TSHZ2: variants seen among roughly 807,000 people sequenced by gnomAD.
TSHZ2 encodes the protein teashirt zinc finger homeobox 2.
TSHZ2 carries 21 observed loss-of-function variants against 74.4 expected under a neutral mutation model. The observed-to-expected ratio is 0.28, with a 90% CI of 0.20 to 0.41. The LOEUF (loss-of-function observed/expected upper bound fraction) is 0.41. Ranked by LOEUF, TSHZ2 falls within the 10% of genes least tolerant of loss-of-function variation. The probability of loss-of-function intolerance (pLI) is 1.00; values close to 1 mark genes in which losing one functional copy is unlikely to be tolerated. For missense variants in TSHZ2, 1,244 were observed against 1,293.5 expected, an observed-to-expected ratio of 0.96 and a Z score of 0.59; for synonymous variants, 540 against 515.3, an observed-to-expected ratio of 1.05 and a Z score of -0.65.
Position 53,435,904 on chromosome 20 carries a change from C to G in TSHZ2, c.*9-51240C>G, listed in dbSNP as rs1392048434. Among the ~76,000 whole-genome samples the G allele has an allele frequency of 2.0e-5, 3 of 152,212 alleles. No individual in the cohort carries two copies. The East Asian group carries it at 5.8e-4, about 29-fold the overall frequency. The stretch of plus-strand genomic sequence containing the variant: ...GTGTGACTTTTAGTAAGTTATTTAT[C>G]ACCCTGTGTCTCAGTTTCCTCGTGT... On this transcript the variant is annotated intron_variant, in intron 2 of 2. Coordinates refer to ENST00000371497, the MANE Select transcript of TSHZ2 (RefSeq NM_173485.6).
intron 2 of TSHZ2, among the ~76,000 whole-genome samples, chr20:53,268,401 A>G (rs964863810): frequency 5.3e-5 from 8 of 152,188 alleles, no homozygotes; most frequent in African/African-American, 1.9e-4. Context: ...AAATCCAGAC[A>G]TGGGCCGAGA....
intron 2 of TSHZ2, among the ~76,000 whole-genome samples, chr20:53,468,367 T>C (rs897582544): frequency 1.3e-5 from 2 of 152,216 alleles, no homozygotes; most frequent in Non-Finnish European, 2.9e-5. Flanking sequence ...GTGTGCTTTA[T>C]GGAAAAGATT....
chr20:53,253,020 G>A (rs1990364189), intron 1 of TSHZ2, among the ~76,000 whole-genome samples: 1 of 152,066 alleles, frequency 6.6e-6, no homozygotes, highest in Non-Finnish European at 1.5e-5. Flanking sequence ...ACTCAAAAAT[G>A]ATTTATTTAT....
chr20:53,307,198 T>G (rs1010723316), intron 2 of TSHZ2, among the ~76,000 whole-genome samples: 1 of 151,996 alleles, frequency 6.6e-6, no homozygotes, highest in African/African-American at 2.4e-5. Flanking sequence ...TACCTGCTCC[T>G]CCCAGGCTGC....
At chr20:53,459,503 C>T in intron 2 of TSHZ2, among the ~76,000 whole-genome samples, 1 of 146,414 alleles carries the variant, frequency 6.8e-6, no homozygotes, top group African/African-American at 2.6e-5. Flanking sequence ...GGTCTTGACT[C>T]TTTATCCAAT....
chr20:53,290,918 G>A (rs1209792638), intron 2 of TSHZ2, among the ~76,000 whole-genome samples: 2 of 152,184 alleles, frequency 1.3e-5, no homozygotes, highest in African/African-American at 2.4e-5. Context: ...GTCTATGGCT[G>A]CTTTTGTGCT....
chr20:53,271,372 A>C (rs1049945832), intron 2 of TSHZ2, among the ~76,000 whole-genome samples: 1 of 152,240 alleles, frequency 6.6e-6, no homozygotes. Context: ...AAAATTAAAT[A>C]CAACCCACTA....
Position 53,074,382 on chromosome 20 carries a change from G to A in TSHZ2, c.40+101049G>A, listed in dbSNP as rs1985302624. Among the ~76,000 whole-genome samples, 1 of 152,188 alleles carries A rather than the reference G, an allele frequency of 6.6e-6. No individual in the cohort carries two copies. On this transcript the variant is annotated intron_variant, in intron 1 of 2. Coordinates refer to ENST00000371497, the MANE Select transcript of TSHZ2 (RefSeq NM_173485.6). This position sits in a 1 kb window ranked among gnomAD's most constrained non-coding sequence, Gnocchi z 5.9. Reference sequence around the variant, plus strand: ...AGGACCAGGATTCATGGGTCTTTGTGTTCTTACAGTGCCTCAATTGCTCAC... The same window carrying A: ...AGGACCAGGATTCATGGGTCTTTGTATTCTTACAGTGCCTCAATTGCTCAC...
intron 2 of TSHZ2, among the ~76,000 whole-genome samples, chr20:53,335,060 G>A (rs989230913): frequency 6.6e-6 from 1 of 152,182 alleles, no homozygotes; most frequent in Admixed American, 6.5e-5. Context: ...GGCCAGTTAG[G>A]AGGCTGTTGC....
At chr20:53,202,371 A>C (rs1398731585) in intron 1 of TSHZ2, among the ~76,000 whole-genome samples, 1 of 152,216 alleles carries the variant, frequency 6.6e-6, no homozygotes, top group Non-Finnish European at 1.5e-5. Flanking sequence ...ATCGTCGCAC[A>C]GAAAGAATTA....
At chr20:53,211,786 A>G (rs943149355) in intron 1 of TSHZ2, among the ~76,000 whole-genome samples, 1 of 152,168 alleles carries the variant, frequency 6.6e-6, no homozygotes, top group Non-Finnish European at 1.5e-5. Flanking sequence ...GTACCTGTGC[A>G]GGTTTGTTGC....
At chr20:53,252,133 T>C (rs935090644) in intron 1 of TSHZ2, among the ~76,000 whole-genome samples, 2 of 152,242 alleles carry the variant, frequency 1.3e-5, no homozygotes, top group Non-Finnish European at 2.9e-5. Context: ...ATAAATATTC[T>C]TTATCTTCAG....
At chr20:52,994,653 G>A (rs185158294) in intron 1 of TSHZ2, among the ~76,000 whole-genome samples, 4 of 152,230 alleles carry the variant, frequency 2.6e-5, no homozygotes, top group Non-Finnish European at 4.4e-5. Context: ...GAACCCAGGT[G>A]CCCTTTATCC....
intron 1 of TSHZ2, among the ~76,000 whole-genome samples, chr20:53,237,940 T>C (rs1001151697): frequency 6.6e-6 from 1 of 152,170 alleles, no homozygotes; most frequent in African/African-American, 2.4e-5. Flanking sequence ...CCAGAAAGCA[T>C]TTTTAAGGCA....
intron 1 of TSHZ2, among the ~76,000 whole-genome samples, chr20:53,111,827 T>A (rs1986541799): frequency 6.6e-6 from 1 of 152,116 alleles, no homozygotes; most frequent in Non-Finnish European, 1.5e-5. Context: ...TAACTCAGGG[T>A]TGTGGGATGA....
intron 2 of TSHZ2, among the ~76,000 whole-genome samples, chr20:53,284,386 G>A (rs970591305): frequency 4.6e-5 from 7 of 152,304 alleles, no homozygotes; most frequent in Admixed American, 3.3e-4. Context: ...CACAGGCGGC[G>A]GCAGAAGCTG....
intron 1 of TSHZ2, among the ~76,000 whole-genome samples, chr20:53,101,449 G>A (rs758394796): frequency 2.0e-5 from 3 of 152,052 alleles, no homozygotes; most frequent in Non-Finnish European, 4.4e-5. Flanking sequence ...ATATCCCACC[G>A]TCGTTCTTGG....
intron 1 of TSHZ2, among the ~76,000 whole-genome samples, chr20:53,211,252 C>T (rs1989296583): frequency 6.6e-6 from 1 of 152,172 alleles, no homozygotes; most frequent in East Asian, 1.9e-4. Context: ...TAAACAGTTT[C>T]CCAAGATCGG....
chr20:53,130,902 A>C (rs1987085340), intron 1 of TSHZ2, among the ~76,000 whole-genome samples: 1 of 152,248 alleles, frequency 6.6e-6, no homozygotes, highest in Admixed American at 6.5e-5. Context: ...CAAGTCACTT[A>C]AGTGTCTGAG....
Sources: gnomAD v4.1 joint callset for allele counts (sites outside exome capture counted in the v4.1 genomes callset) on GRCh38, gnomAD v4.1.1 for gene constraint, Gnocchi (gnomAD v3.1) non-coding constraint, MANE v1.5 for transcripts, NCBI Gene and HGNC (gene_info 2026-07-23, HGNC 2026-07-21) for gene names.